Variants in NALCN observed in about 807,000 individuals in gnomAD.
NALCN encodes the protein sodium leak channel, non-selective.
A neutral mutation model predicts 225.3 loss-of-function variants in NALCN; 111 were observed. The ratio of observed to expected loss-of-function variants is 0.49; its 90% confidence interval spans 0.42 to 0.58. The LOEUF (loss-of-function observed/expected upper bound fraction) is 0.58, where lower values mean the gene tolerates loss of function less well. NALCN is among the 20% of genes least tolerant of loss of function. The pLI, the probability that NALCN is intolerant of heterozygous loss-of-function variation, is 0.00. For missense variants in NALCN, 1,378 were observed against 2,202.4 expected (o/e 0.63, Z 7.49); for synonymous variants, 764 against 769.0 (o/e 0.99, Z 0.11).
chr13:101,289,983 G>A (rs2043491868), intron 9 of NALCN, among the ~76,000 whole-genome samples: 1 of 152,206 alleles, frequency 6.6e-6, no homozygotes, highest in African/African-American at 2.4e-5. Context: ...CCCAGAGGCT[G>A]ACAGCAGGAG....
chr13:101,231,055 C>T (rs2041327690), intron 12 of NALCN, among the ~76,000 whole-genome samples: 1 of 152,004 alleles, frequency 6.6e-6, no homozygotes, highest in African/African-American at 2.4e-5. Flanking sequence ...AGCAATAGGC[C>T]ATACCATATA....
rs150586394 is a variant in NALCN at position 101,409,796 on chromosome 13, T to G, written c.-40+6517A>C. On this transcript the variant is annotated intron_variant, in intron 1 of 43. Coordinates refer to ENST00000251127, the MANE Select transcript of NALCN (RefSeq NM_052867.4). Reference sequence around the variant, plus strand: ...CAAATTTGCTCAAAAGGGGATGGTTTAAAATAGTAATTCCTAAAGACTGCT... The same window carrying G: ...CAAATTTGCTCAAAAGGGGATGGTTGAAAATAGTAATTCCTAAAGACTGCT... 7.2e-5 allele frequency among the ~76,000 whole-genome samples: 11 copies of G among 152,342 alleles called. No homozygotes were observed. The East Asian group carries it at 2.1e-3, about 29-fold the overall frequency.
chr13:101,416,266 G>C (rs2047945105), intron 1 of NALCN, 47 bp downstream of exon 1: 1 of 152,208 alleles, frequency 6.6e-6, no homozygotes, highest in East Asian at 1.9e-4. Context: ...GCAGGGCACG[G>C]AGCCGGCCGC....
chr13:101,213,326 C>A (rs1440390425), intron 13 of NALCN, among the ~76,000 whole-genome samples: 1 of 152,154 alleles, frequency 6.6e-6, no homozygotes, highest in East Asian at 1.9e-4. Context: ...AAATGTTAGA[C>A]CTAAAACCAT....
At chr13:101,318,979 T>A (rs1443776493) in intron 7 of NALCN, among the ~76,000 whole-genome samples, 1 of 152,178 alleles carries the variant, frequency 6.6e-6, no homozygotes, top group Non-Finnish European at 1.5e-5. Flanking sequence ...AACACCCACC[T>A]GTGGGTAAAG....
intron 11 of NALCN, among the ~76,000 whole-genome samples, chr13:101,254,325 A>ATG (rs1458259083): frequency 7.8e-6 from 1 of 128,584 alleles, no homozygotes; most frequent in African/African-American, 2.9e-5. Flanking sequence ...GGGAGCCGAG[A>ATG]TGGTGCCACT....
chr13:101,135,965 G>C (rs1347505280), intron 17 of NALCN, among the ~76,000 whole-genome samples: 1 of 152,164 alleles, frequency 6.6e-6, no homozygotes, highest in Non-Finnish European at 1.5e-5. Context: ...CTTAATCCTA[G>C]ACTGATTTAC....
chr13:101,321,286 C>T (rs139912229), intron 7 of NALCN, among the ~76,000 whole-genome samples: 20 of 151,830 alleles, frequency 1.3e-4, no homozygotes, highest in African/African-American at 3.9e-4. Flanking sequence ...GGAAAATGGG[C>T]GAAGCATGTG....
At chr13:101,210,844 C>T (rs2040496993) in intron 13 of NALCN, among the ~76,000 whole-genome samples, 1 of 152,172 alleles carries the variant, frequency 6.6e-6, no homozygotes. Flanking sequence ...CTTTAATCTT[C>T]CTACCAATCC....
At chr13:101,297,483 T>C (rs1465260909) in intron 7 of NALCN, among the ~76,000 whole-genome samples, 5 of 152,220 alleles carry the variant, frequency 3.3e-5, no homozygotes, top group Admixed American at 2.0e-4. Flanking sequence ...TCCTCAGCAA[T>C]GTTCTTGAAC....
chr13:101,345,311 C>G lies in NALCN; in HGVS notation c.754G>C (p.Gly252Arg). Residue 252 changes from glycine to arginine, a missense_variant, in exon 7 of 44, where the codon GGA (glycine) becomes CGA (arginine). Physicochemically the swap from Gly to Arg is moderately radical, Grantham distance 125. Around this residue, in one of 19 missense-constraint regions of NALCN, gnomAD observed 67 missense variants for 82.1 expected, o/e 0.82. Coordinates refer to ENST00000251127, the MANE Select transcript of NALCN (RefSeq NM_052867.4). ...TAGCCCAGCTCTTGCCTGCTAAGTC[C>G]CAGATCTTCAAGGTCCATGCATTTA... ...GFKCMDLEDL[G>R]LSRQELGYSG... is the part of the protein sequence containing the mutation. The G allele has an allele frequency of 6.2e-7, 1 of 1,613,684 alleles. No homozygotes were observed.
At position 101,395,377 on chromosome 13, in the gene NALCN, G is replaced by T; in HGVS notation, c.109-12C>A. 1 of 1,611,558 alleles carries T rather than the reference G, an allele frequency of 6.2e-7. No individual in the cohort carries two copies. Among genetic ancestry groups the T allele is most frequent in the Non-Finnish European group, 8.5e-7 (1 of 1,178,754 alleles). ...AAAGAGTGAACCCACTGCAATGATG[G>T]TCCAGAGTTACTACACGGCACCATA... On this transcript the variant is annotated splice_polypyrimidine_tract_variant and intron_variant, in intron 2 of 43. Transcript: ENST00000251127.
At chr13:101,120,680 C>A (rs2035933157) in intron 18 of NALCN, among the ~76,000 whole-genome samples, 1 of 151,966 alleles carries the variant, frequency 6.6e-6, no homozygotes, top group Admixed American at 6.6e-5. Context: ...CTTAGATCAC[C>A]CAAGTCAAGA....
In NALCN at chr13:101,186,734, T is replaced by C. The variant is rs536645358; in HGVS notation, c.1764+5183A>G. On this transcript the variant is annotated intron_variant, in intron 14 of 43. Coordinates refer to ENST00000251127, the MANE Select transcript of NALCN (RefSeq NM_052867.4). ...ATAAATCAAATAAATATTCTAAACC[T>C]TGCAGTTTCTCATATAAATCTGAGA... is the stretch of plus-strand genomic sequence containing the variant. Among the ~76,000 whole-genome samples, 3 of 152,318 alleles carry C rather than the reference T, an allele frequency of 2.0e-5. No individual in the cohort carries two copies. In the South Asian group the frequency reaches 6.2e-4, roughly 32 times the overall value.
chr13:101,124,748 C>G (rs2139700697), intron 17 of NALCN, 67 bp from the exon 18 acceptor site: 1 of 1,205,084 alleles, frequency 8.3e-7, no homozygotes, highest in Non-Finnish European at 1.2e-6. Context: ...TCAAATCATT[C>G]AATAGATGAC....
chr13:101,332,118 TA>T (rs2045197410), intron 7 of NALCN, among the ~76,000 whole-genome samples: 1 of 151,912 alleles, frequency 6.6e-6, no homozygotes, highest in African/African-American at 2.4e-5. Context: ...GAGGATAGAA[TA>T]AAAAATATGA....
chr13:101,070,663 T>C (rs1289624131), intron 37 of NALCN, among the ~76,000 whole-genome samples: 2 of 152,206 alleles, frequency 1.3e-5, no homozygotes, highest in African/African-American at 4.8e-5. Context: ...CAATCTTTTT[T>C]TTCTGAGCAG....
intron 43 of NALCN, among the ~76,000 whole-genome samples, chr13:101,056,246 CTTTTTTTTTTTTTT>C (rs34583741): frequency 4.1e-4 from 19 of 45,834 alleles, no homozygotes; most frequent in East Asian, 1.4e-3. Context: ...AGTGGAAGTA[CTTTTTTTTTTTTTT>C]TTTTTTTTTT....
chr13:101,062,151 C>G, intron 40 of NALCN, 33 bp from the exon 41 acceptor site: 1 of 1,609,380 alleles, frequency 6.2e-7, no homozygotes, highest in Non-Finnish European at 8.5e-7. Flanking sequence ...AATCGCAGCT[C>G]TGATTCACCT....
Sources: gnomAD v4.1 joint callset for allele counts (sites outside exome capture counted in the v4.1 genomes callset) on GRCh38, gnomAD v4.1.1 for gene constraint, gnomAD v4.1.1 regional missense constraint, MANE v1.5 for transcripts, NCBI Gene and HGNC (gene_info 2026-07-23, HGNC 2026-07-21) for gene names.